OR2I1: variants seen among roughly 807,000 people sequenced by gnomAD.
OR2I1 encodes olfactory receptor family 2 subfamily I member 1 (gene/pseudogene), also known as putative olfactory receptor 2I1.
At chr6:29,551,875 A>G in the OR2I1 span, among the ~76,000 whole-genome samples, 2 of 152,242 alleles carry the variant, frequency 1.3e-5, no homozygotes, top group African/African-American at 4.8e-5. Context: ...TATTCTGCCC[A>G]GTGAGGATAA....
the OR2I1 span, chr6:29,556,335 C>A: frequency 6.2e-7 from 1 of 1,611,642 alleles, no homozygotes; most frequent in African/African-American, 1.3e-5. Context: ...TCCCATTCCT[C>A]GGAACGGACA....
At chr6:29,552,262 T>C in the OR2I1 span, among the ~76,000 whole-genome samples, 1 of 152,212 alleles carries the variant, frequency 6.6e-6, no homozygotes, top group Non-Finnish European at 1.5e-5. Flanking sequence ...TCAAACTCCT[T>C]GATTTACATA....
the OR2I1 span, chr6:29,553,191 C>T: frequency 2.5e-6 from 1 of 398,590 alleles, no homozygotes; most frequent in Admixed American, 4.4e-5. Flanking sequence ...TTTATTTCGA[C>T]CTTCCAAACA....
chr6:29,554,129 T>C, the OR2I1 span: 24 of 399,372 alleles, frequency 6.0e-5, no homozygotes, highest in East Asian at 2.5e-4. Context: ...GCGAGGAGGC[T>C]GCTGCGGAGT....
the OR2I1 span, chr6:29,557,560 T>G: frequency 6.6e-6 from 1 of 152,200 alleles, no homozygotes; most frequent in Non-Finnish European, 1.5e-5. Context: ...ATGCATGCAT[T>G]AGGACCCCCT....
chr6:29,556,738 A>G, the OR2I1 span: 1 of 188,430 alleles, frequency 5.3e-6, no homozygotes, highest in East Asian at 1.4e-4. Context: ...AGGCTGATCA[A>G]TTGATGCTGG....
chr6:29,554,361 T>C, the OR2I1 span: 1 of 390,422 alleles, frequency 2.6e-6, no homozygotes. Context: ...AAATCCTCTA[T>C]ATACTCAGGT....
the OR2I1 span, chr6:29,554,201 C>T: frequency 3.0e-5 from 12 of 398,576 alleles, no homozygotes; most frequent in Non-Finnish European, 4.4e-5. Flanking sequence ...TAAGCCAGAA[C>T]CCAAGGATGG....
chr6:29,554,052 C>A, the OR2I1 span: 3 of 398,984 alleles, frequency 7.5e-6, no homozygotes, highest in Non-Finnish European at 8.8e-6. Flanking sequence ...CGCTCTTCTA[C>A]ACCGTGGTCA....
chr6:29,556,577 C>T, the OR2I1 span: 1 of 520,438 alleles, frequency 1.9e-6, no homozygotes, highest in South Asian at 3.5e-5. Context: ...TTTTTTCGAT[C>T]TTGAGAATGG....
chr6:29,551,559 G>C, the OR2I1 span, among the ~76,000 whole-genome samples: 1 of 152,196 alleles, frequency 6.6e-6, no homozygotes, highest in Non-Finnish European at 1.5e-5. Flanking sequence ...AATGTTCATA[G>C]CAGTTGTATC....
the OR2I1 span, chr6:29,556,243 C>A: frequency 6.2e-7 from 1 of 1,613,102 alleles, no homozygotes; most frequent in Admixed American, 1.7e-5. Context: ...CCTGGTCCTG[C>A]ACAGGAACCT....
the OR2I1 span, chr6:29,556,624 C>G: frequency 2.2e-6 from 1 of 455,616 alleles, no homozygotes; most frequent in Non-Finnish European, 3.8e-6. Context: ...ACTGAACGGA[C>G]GCTCTTTTGC....
the OR2I1 span, chr6:29,556,801 A>G: frequency 6.2e-6 from 1 of 160,370 alleles, no homozygotes; most frequent in African/African-American, 2.4e-5. Flanking sequence ...TACTAAAAAT[A>G]CAAAAATTAG....
the OR2I1 span, chr6:29,554,341 G>GA: frequency 0.23 from 91,300 of 395,048 alleles, 12,146 homozygotes; most frequent in South Asian, 0.31. Context: ...GTTCTTGAGG[G>GA]AAAATCCCTA....
the OR2I1 span, chr6:29,556,568 T>G: frequency 5.7e-6 from 3 of 523,268 alleles, no homozygotes; most frequent in African/African-American, 1.9e-5. Flanking sequence ...ATCACACCTT[T>G]TTTTCGATCT....
the OR2I1 span, chr6:29,555,546 T>G: frequency 4.2e-5 from 12 of 283,076 alleles, no homozygotes; most frequent in African/African-American, 2.7e-4. Flanking sequence ...TCTCTTGTCA[T>G]AAAGGAAAGG....
chr6:29,556,642 G>A, the OR2I1 span: 3 of 406,304 alleles, frequency 7.4e-6, no homozygotes, highest in Non-Finnish European at 1.3e-5. Context: ...TGCTCAGGGG[G>A]ACCCTAGAGA....
chr6:29,551,244 A>T, the OR2I1 span, among the ~76,000 whole-genome samples: 18 of 152,138 alleles, frequency 1.2e-4, no homozygotes, highest in African/African-American at 4.1e-4. Flanking sequence ...CCTGAATGTC[A>T]CCTCTCCTAC....
Sources: gnomAD v4.1 joint callset for allele counts (sites outside exome capture counted in the v4.1 genomes callset) on GRCh38, gnomAD v4.1.1 for gene constraint, MANE v1.5 for transcripts, NCBI Gene and HGNC (gene_info 2026-07-23, HGNC 2026-07-21) for gene names.